Variants in DRP2 observed in about 807,000 individuals in gnomAD.
DRP2 encodes dystrophin-related protein 2.
Under a neutral mutation model 78.2 loss-of-function variants are expected in DRP2, and 29 were observed. The ratio of observed to expected loss-of-function variants is 0.37; its 90% confidence interval spans 0.28 to 0.51. The LOEUF is 0.51. Ranked by LOEUF, DRP2 falls within the 20% of genes least tolerant of loss-of-function variation. The pLI, the probability that DRP2 is intolerant of heterozygous loss-of-function variation, is 0.94. For synonymous variants in DRP2, 290 were observed against 281.9 expected, an observed-to-expected ratio of 1.03 and a Z score of -0.29; for missense variants, 686 against 770.6, an observed-to-expected ratio of 0.89 and a Z score of 1.30.
At chrX:101,253,943 C>G (rs1427603081) in intron 17 of DRP2, among the ~76,000 whole-genome samples, 1 of 110,817 alleles carries the variant, frequency 9.0e-6, no homozygotes, top group Non-Finnish European at 1.9e-5. Flanking sequence ...AATTAACAAA[C>G]ATATGCTCAT....
At chrX:101,224,191 G>GTTTTGTTTTGTTT (rs1922007763) in intron 1 of DRP2, among the ~76,000 whole-genome samples, 7 of 38,886 alleles carry the variant, frequency 1.8e-4, no homozygotes, top group African/African-American at 7.6e-4. Context: ...GGTTTTTTTT[G>GTTTTGTTTTGTTT]TTTTTTTTTT....
chrX:101,256,084 G>T lies in DRP2; in HGVS notation c.2247-34G>T, dbSNP rs757770084. On this transcript the variant is annotated intron_variant, in intron 20 of 23. Transcript: ENST00000395209. Reference sequence around the variant, plus strand: ...TGAGTTGTTTCTCTGTTCAACAACTGGTCACCTACTCTGCTTTCCCCACAC... The same window carrying T: ...TGAGTTGTTTCTCTGTTCAACAACTTGTCACCTACTCTGCTTTCCCCACAC... 3.5e-6 allele frequency: 4 copies of T among 1,134,304 alleles called. No individual in the cohort carries two copies. In the East Asian group the frequency reaches 9.4e-5, roughly 27 times the overall value. The allele number at this position is 1,134,304 out of a possible 1,213,427, so 93.5% of individuals were successfully genotyped here.
intron 1 of DRP2, among the ~76,000 whole-genome samples, chrX:101,224,182 G>T (rs13440509): frequency 0.19 from 8,301 of 43,544 alleles, 646 homozygotes; most frequent in African/African-American, 0.34. Flanking sequence ...TGTTTGCTGG[G>T]TTTTTTTTGT....
intron 9 of DRP2, among the ~76,000 whole-genome samples, chrX:101,244,103 G>A (rs1162385571): frequency 9.0e-6 from 1 of 111,313 alleles, no homozygotes; most frequent in Non-Finnish European, 1.9e-5. Context: ...GAGAACCATC[G>A]GCAGGGTTTG....
chrX:101,225,439 G>A (rs766960076), intron 2 of DRP2, among the ~76,000 whole-genome samples: 22 of 111,354 alleles, frequency 2.0e-4, no homozygotes, highest in African/African-American at 6.9e-4. Context: ...AGCTCTTCAC[G>A]ATGTATTCAC....
chrX:101,221,231 G>A (rs1921883858), intron 1 of DRP2, among the ~76,000 whole-genome samples: 2 of 112,884 alleles, frequency 1.8e-5, no homozygotes, highest in East Asian at 2.8e-4. Context: ...AAGAACAAAA[G>A]CCTTAAAAAA....
intron 5 of DRP2, among the ~76,000 whole-genome samples, chrX:101,238,658 A>G (rs895260706): frequency 2.7e-5 from 3 of 111,518 alleles, no homozygotes; most frequent in Non-Finnish European, 5.6e-5. Flanking sequence ...TTTAATATAA[A>G]TCCTGCCTAT....
intron 22 of DRP2, 146 bp from the exon 23 acceptor site, chrX:101,259,903 A>G (rs770614418): frequency 8.5e-6 from 6 of 702,256 alleles, no homozygotes; most frequent in African/African-American, 6.5e-5. Flanking sequence ...AGTGGAAGCC[A>G]CTGTTTTAGG....
At chrX:101,239,760 A>G (rs887409788) in intron 6 of DRP2, among the ~76,000 whole-genome samples, 2 of 110,773 alleles carry the variant, frequency 1.8e-5, no homozygotes, top group South Asian at 3.9e-4. Flanking sequence ...TGTATTTTTA[A>G]TAGAGACGGG....
Position 101,239,052 on chromosome X carries a change from G to A in DRP2, c.510G>A (p.Leu170=), listed in dbSNP as rs1252262757. 8.3e-7 allele frequency: 1 copy of A among 1,209,254 alleles called. No homozygotes were observed. Among genetic ancestry groups the A allele is most frequent in the Non-Finnish European group, 1.1e-6 (1 of 894,967 alleles). ...YSVLESAQAF[L]SQHPFEELEE... ...TGCTGGAGTCAGCTCAGGCCTTCCT[G>A]TCCCAGCACCCATTTGAGGAGTTAG... Residue 170 remains leucine (L), a synonymous_variant, in exon 6 of 24, where the codon CTG becomes CTA. Coordinates refer to ENST00000395209, the MANE Select transcript of DRP2 (RefSeq NM_001939.3).
intron 14 of DRP2, among the ~76,000 whole-genome samples, chrX:101,249,012 A>G (rs1003651679): frequency 6.2e-5 from 7 of 112,064 alleles, no homozygotes; most frequent in Non-Finnish European, 1.1e-4. Flanking sequence ...ATAATACCCA[A>G]TATCTGGGAG....
At chrX:101,254,395 G>A (rs1923261546) in intron 17 of DRP2, 30 bp from the exon 18 acceptor site, 1 of 1,208,179 alleles carries the variant, frequency 8.3e-7, no homozygotes, top group African/African-American at 1.8e-5. Context: ...AGCCATTAGG[G>A]TAAGTTCCTC....
In DRP2 at chrX:101,241,755, C is replaced by T; in HGVS notation, c.647C>T (p.Thr216Ile). 8.3e-7 allele frequency: 1 copy of T among 1,211,798 alleles called. No individual in the cohort carries two copies. The highest frequency in any genetic ancestry group is 3.0e-5 in the East Asian group (1 of 33,848). Residue 216 changes from threonine (T) to isoleucine (I), a missense_variant, in exon 7 of 24, where the codon ACA (threonine) becomes ATA (isoleucine). Coordinates refer to ENST00000395209, the MANE Select transcript of DRP2 (RefSeq NM_001939.3). Reference protein sequence around the residue: ...TVASELWEKLTARCVDQHRHI... With the variant: ...TVASELWEKLIARCVDQHRHI... ...GCCAGTGAACTGTGGGAGAAGTTGA[C>T]AGCCCGCTGTGTGGACCAGCACCGT...
In DRP2 at chrX:101,248,171, A is replaced by G; in HGVS notation, c.1335A>G (p.Val445=). ...CCAGTGAGCACGTGATGGATGTGGT[A>G]GAGGTCATTCACTGCCTGACTGCCT... ...LQASEHVMDV[V]EVIHCLTALY... The change falls in exon 13 of 24, where the codon GTA becomes GTG. Residue 445 remains valine, a synonymous_variant. Coordinates refer to ENST00000395209, the MANE Select transcript of DRP2 (RefSeq NM_001939.3). 1.7e-6 allele frequency: 2 copies of G among 1,211,667 alleles called. No individual in the cohort carries two copies. Among genetic ancestry groups the G allele is most frequent in the African/African-American group, 3.5e-5 (2 of 57,832 alleles).
chrX:101,256,093 C>T, intron 20 of DRP2, 25 bp from the exon 21 acceptor site: 1 of 1,145,751 alleles, frequency 8.7e-7, no homozygotes, highest in Non-Finnish European at 1.2e-6. Context: ...TGGTCACCTA[C>T]TCTGCTTTCC....
intron 21 of DRP2, among the ~76,000 whole-genome samples, chrX:101,256,798 A>G (rs1923353968): frequency 9.4e-6 from 1 of 105,927 alleles, no homozygotes. Flanking sequence ...ACCTCAAGTG[A>G]TCTGCTCACC....
chrX:101,241,644 C>T (rs1176125599), intron 6 of DRP2, 24 bp from the exon 7 acceptor site: 1 of 1,207,147 alleles, frequency 8.3e-7, no homozygotes, highest in Non-Finnish European at 1.1e-6. Context: ...TTGGCCTAAC[C>T]TGGCTTCCTG....
intron 2 of DRP2, among the ~76,000 whole-genome samples, chrX:101,227,016 G>A (rs917798207): frequency 8.9e-6 from 1 of 111,861 alleles, no homozygotes; most frequent in African/African-American, 3.2e-5. Flanking sequence ...AAGATGGCAC[G>A]GAGTATCACA....
intron 9 of DRP2, among the ~76,000 whole-genome samples, chrX:101,243,756 G>A (rs149132537): frequency 0.019 from 2,132 of 111,538 alleles, 60 homozygotes; most frequent in African/African-American, 0.066. Flanking sequence ...GTTACTTGGT[G>A]ACAAGGGCTA....
Sources: allele counts gnomAD v4.1 joint callset (sites outside exome capture counted in the v4.1 genomes callset), GRCh38; gene constraint gnomAD v4.1.1; transcripts MANE v1.5; gene names NCBI Gene and HGNC (gene_info 2026-07-23, HGNC 2026-07-21).